RTTN: variants seen among roughly 807,000 people sequenced by gnomAD.
RTTN encodes the protein rotatin.
In RTTN, 182 loss-of-function variants were observed where a neutral mutation model predicts 269.2. That is an observed-to-expected ratio of 0.68 (90% CI 0.60 to 0.76). The LOEUF is 0.76. RTTN is among the 30% of genes least tolerant of loss of function. The probability of loss-of-function intolerance (pLI) is 0.00; values close to 1 mark genes in which losing one functional copy is unlikely to be tolerated. For missense variants in RTTN, 2,545 were observed against 2,608.6 expected (o/e 0.98, Z 0.53); for synonymous variants, 1,006 against 963.5 (o/e 1.04, Z -0.82).
chr18:70,162,172 T>G (rs563168793), intron 14 of RTTN, among the ~76,000 whole-genome samples: 1 of 152,242 alleles, frequency 6.6e-6, no homozygotes, highest in South Asian at 2.1e-4. Flanking sequence ...GGAAAACTAC[T>G]CAGCCATTAA....
In RTTN at chr18:70,205,327, C is replaced by A. The variant is rs773418994; in HGVS notation, c.32-12G>T. 4 of 1,612,890 alleles carry A rather than the reference C, an allele frequency of 2.5e-6. No homozygotes were observed. The African/African-American group carries it at 4.0e-5, about 16-fold the overall frequency. ...GGCCAGCTGATGACCTGTCAACGAA[C>A]GGCACAAAACTATTTTATTTCCCGA... On this transcript the variant is annotated splice_polypyrimidine_tract_variant and intron_variant, in intron 1 of 48. Coordinates refer to ENST00000640769, the MANE Select transcript of RTTN (RefSeq NM_173630.4).
At position 70,128,551 on chromosome 18, in the gene RTTN, A is replaced by G; in HGVS notation, c.2955-5T>C. The G allele has an allele frequency of 1.2e-6, 2 of 1,609,388 alleles. No homozygotes were observed. The highest frequency in any genetic ancestry group is 2.7e-5 in the African/African-American group (2 of 74,866). On this transcript the variant is annotated splice_region_variant and splice_polypyrimidine_tract_variant and intron_variant, in intron 23 of 48. Transcript: ENST00000640769. ...ACATGAACAGGTAGATGGTACCTAA[A>G]GAAAATGTGTACAAATAATTACAAA... is the stretch of plus-strand genomic sequence containing the variant.
At chr18:70,058,994 C>T (rs1176697693) in intron 36 of RTTN, among the ~76,000 whole-genome samples, 2 of 152,098 alleles carry the variant, frequency 1.3e-5, no homozygotes, top group Non-Finnish European at 2.9e-5. Flanking sequence ...CAAGACATTT[C>T]AGATGGTGTA....
intron 34 of RTTN, among the ~76,000 whole-genome samples, chr18:70,068,307 C>T (rs192536771): frequency 1.3e-5 from 2 of 152,220 alleles, no homozygotes; most frequent in East Asian, 1.9e-4. Context: ...TATGAGCCTA[C>T]GAAGCTATAG....
intron 31 of RTTN, 71 bp from the exon 32 acceptor site, chr18:70,086,755 G>A: frequency 2.2e-6 from 3 of 1,344,654 alleles, no homozygotes; most frequent in Admixed American, 4.5e-5. Flanking sequence ...CCATCTTGTG[G>A]TCATCTCTGA....
chr18:70,127,492 T>A lies in RTTN; in HGVS notation c.3383+10A>T. On this transcript the variant is annotated intron_variant, in intron 25 of 48. Transcript: ENST00000640769. The stretch of plus-strand genomic sequence containing the variant: ...GTCTTTGAAACTGGCAGCCTTGACC[T>A]TACACTGACCTGTTTAGTGCGGTGT... The A allele has an allele frequency of 6.2e-7, 1 of 1,612,796 alleles. No homozygotes were observed.
Position 70,192,165 on chromosome 18 carries a change from A to C in RTTN, c.1007+1123T>G, listed in dbSNP as rs114781686. Among the ~76,000 whole-genome samples, 622 of 152,342 alleles carry C rather than the reference A, an allele frequency of 4.1e-3. 3 individuals carry two copies. Among genetic ancestry groups the C allele is most frequent in the African/African-American group, 0.014 (588 of 41,564 alleles). On this transcript the variant is annotated intron_variant, in intron 8 of 48. Coordinates refer to ENST00000640769, the MANE Select transcript of RTTN (RefSeq NM_173630.4). ...TATGCAAAGCACAGGGCATAACACC[A>C]TACACACAGCAGGTATGAATCAGTA...
intron 18 of RTTN, among the ~76,000 whole-genome samples, chr18:70,144,020 C>G (rs1292398074): frequency 6.6e-6 from 1 of 152,022 alleles, no homozygotes; most frequent in African/African-American, 2.4e-5. Flanking sequence ...CCACCAACCC[C>G]AGCTAATTTT....
At chr18:70,084,623 CAA>C (rs541352854) in intron 32 of RTTN, among the ~76,000 whole-genome samples, 18 of 127,468 alleles carry the variant, frequency 1.4e-4, no homozygotes, top group African/African-American at 2.8e-4. Flanking sequence ...CAAAAATAAC[CAA>C]AAAAAAAAAA....
At chr18:70,009,536 A>AT (rs2056305716) in intron 46 of RTTN, among the ~76,000 whole-genome samples, 1 of 152,232 alleles carries the variant, frequency 6.6e-6, no homozygotes, top group Non-Finnish European at 1.5e-5. Flanking sequence ...ATGCTGAGAG[A>AT]TTTTGTCACC....
At position 70,187,320 on chromosome 18, in the gene RTTN, T is replaced by C. The variant is rs970757344; in HGVS notation, c.1305+788A>G. Among the ~76,000 whole-genome samples the C allele has an allele frequency of 4.6e-5, 7 of 152,264 alleles. No homozygotes were observed. The East Asian group carries it at 1.4e-3, about 29-fold the overall frequency. The stretch of plus-strand genomic sequence containing the variant: ...AGTGTCTATAATATACCACCTTTTA[T>C]GCAGGATGGGGAGAGGATAAGAATC... On this transcript the variant is annotated intron_variant, in intron 10 of 48. Coordinates refer to ENST00000640769, the MANE Select transcript of RTTN (RefSeq NM_173630.4).
At chr18:70,034,957 A>C (rs552814633) in intron 40 of RTTN, among the ~76,000 whole-genome samples, 1 of 152,314 alleles carries the variant, frequency 6.6e-6, no homozygotes, top group African/African-American at 2.4e-5. Flanking sequence ...CACCAAAACA[A>C]AACAAAATAA....
Position 70,051,420 on chromosome 18 carries a change from C to T in RTTN, c.5314G>A (p.Ala1772Thr), listed in dbSNP as rs752375771. 31 of 1,609,400 alleles carry T rather than the reference C, an allele frequency of 1.9e-5. No individual in the cohort carries two copies. The highest frequency in any genetic ancestry group is 2.5e-5 in the Non-Finnish European group (30 of 1,178,842). ...GCAAGTATCTTCTTACCAATCGCCG[C>T]TGTCCAGTGCTTGGCCAGGGCCACG... ...VTVALAKHWT[A>T]AIDMFCTCAG... is the part of the protein sequence containing the mutation. Residue 1772 changes from alanine to threonine, a missense_variant, in exon 39 of 49, where the codon GCG (alanine) becomes ACG (threonine). Physicochemically the swap from Ala to Thr is moderately conservative, Grantham distance 58 (BLOSUM62 0). Coordinates refer to ENST00000640769, the MANE Select transcript of RTTN (RefSeq NM_173630.4).
intron 40 of RTTN, among the ~76,000 whole-genome samples, chr18:70,034,176 G>A (rs1244627031): frequency 2.0e-5 from 3 of 152,072 alleles, no homozygotes; most frequent in Admixed American, 6.6e-5. Flanking sequence ...CCAAAAAAAT[G>A]AGAAGTAGGA....
At chr18:70,031,019 T>C (rs779720711) in intron 40 of RTTN, 38 bp from the exon 41 acceptor site, 4 of 1,440,252 alleles carry the variant, frequency 2.8e-6, no homozygotes, top group Non-Finnish European at 3.9e-6. Context: ...TGAAGAAATA[T>C]TTAATCTGGA....
chr18:70,184,716 TTGTGTGTGTG>T (rs1555776912), intron 10 of RTTN, among the ~76,000 whole-genome samples: 1 of 33,462 alleles, frequency 3.0e-5, no homozygotes, highest in African/African-American at 6.4e-5. Context: ...TTTTTTTTTT[TTGTGTGTGTG>T]TGTGTGTGTG....
intron 40 of RTTN, chr18:70,031,337 G>A (rs189369179): frequency 3.2e-4 from 128 of 400,812 alleles, no homozygotes; most frequent in African/African-American, 2.3e-3. Flanking sequence ...CTGCTGAACA[G>A]GAGAACTGTC....
At chr18:70,054,853 GT>G (rs1393547491) in intron 37 of RTTN, among the ~76,000 whole-genome samples, 3 of 151,792 alleles carry the variant, frequency 2.0e-5, no homozygotes, top group Non-Finnish European at 4.4e-5. Context: ...TTTTCAAGTA[GT>G]CAAATTATGA....
At position 70,031,216 on chromosome 18, in the gene RTTN, AG is replaced by A. The variant is rs2057003378; in HGVS notation, c.5542-236del. 5.7e-6 allele frequency: 3 copies of A among 528,614 alleles called. No homozygotes were observed. In the East Asian group the frequency reaches 9.0e-5, roughly 16 times the overall value. 32.7% of individuals were successfully genotyped at this position (528,614 alleles called of 1,614,324 possible). On this transcript the variant is annotated intron_variant, in intron 40 of 48. Coordinates refer to ENST00000640769, the MANE Select transcript of RTTN (RefSeq NM_173630.4). ...TCATTCTTAAAGACTCATCATCTAC[AG>A]AAAAAAGCTTTATTTAGCTTTCACG... is the stretch of plus-strand genomic sequence containing the variant.
Sources: gnomAD v4.1 joint callset for allele counts (sites outside exome capture counted in the v4.1 genomes callset) on GRCh38, gnomAD v4.1.1 for gene constraint, MANE v1.5 for transcripts, NCBI Gene and HGNC (gene_info 2026-07-23, HGNC 2026-07-21) for gene names.